The following LINC00632 variants were observed in gnomAD, a reference collection of about 807,000 sequenced individuals.
LINC00632 encodes ALDOA related specific transcript.
At chrX:140,742,498 C>A (rs986506929) in intron 3 of LINC00632, among the ~76,000 whole-genome samples, 1 of 111,260 alleles carries the variant, frequency 9.0e-6, no homozygotes, top group Admixed American at 9.6e-5. Flanking sequence ...GACAGAAACA[C>A]TTTTATTTTT....
At chrX:140,788,391 T>C (rs1193691921) in exon 5 of LINC00632, among the ~76,000 whole-genome samples, 1 of 110,554 alleles carries the variant, frequency 9.0e-6, no homozygotes, top group East Asian at 2.8e-4. Context: ...TGAGACACTG[T>C]GCACAATCTA....
At chrX:140,743,866 AC>A (rs1931281986) in intron 3 of LINC00632, among the ~76,000 whole-genome samples, 1 of 111,508 alleles carries the variant, frequency 9.0e-6, no homozygotes, top group Non-Finnish European at 1.9e-5. Flanking sequence ...AGGTGTTGCT[AC>A]TGACTGTGTA....
At chrX:140,736,570 G>A (rs1467462496) in intron 3 of LINC00632, among the ~76,000 whole-genome samples, 1 of 106,207 alleles carries the variant, frequency 9.4e-6, no homozygotes, top group Non-Finnish European at 1.9e-5. Flanking sequence ...CCGAGTAGCT[G>A]GGATTACAGG....
At chrX:140,790,176 T>C (rs890200687) in exon 5 of LINC00632, among the ~76,000 whole-genome samples, 1 of 111,442 alleles carries the variant, frequency 9.0e-6, no homozygotes, top group African/African-American at 3.3e-5. Flanking sequence ...CCAGTGTGCC[T>C]GGTTCTTCCA....
intron 2 of LINC00632, among the ~76,000 whole-genome samples, chrX:140,723,295 CACACACATTCCATACACACAG>C (rs1419880864): frequency 0.048 from 4,399 of 90,840 alleles, 164 homozygotes; most frequent in African/African-American, 0.1. Context: ...TACACGTGCA[CACACACATTCCATACACACAG>C]ACACACATTC....
intron 2 of LINC00632, chrX:140,711,743 T>C (rs1173908286): frequency 1.4e-4 from 23 of 167,460 alleles, no homozygotes; most frequent in Non-Finnish European, 1.3e-5. Context: ...TTTCCAGCCA[T>C]TGTTTTCCTA....
chrX:140,711,608 T>G (rs1310467739), intron 1 of LINC00632: 1 of 316,736 alleles, frequency 3.2e-6, no homozygotes, highest in Non-Finnish European at 6.2e-6. Context: ...CTTTTCTGGT[T>G]TTTTCTCCCT....
chrX:140,777,256 A>G (rs974561630), exon 5 of LINC00632, among the ~76,000 whole-genome samples: 1 of 112,111 alleles, frequency 8.9e-6, no homozygotes, highest in Non-Finnish European at 1.9e-5. Flanking sequence ...ATGTATACCT[A>G]TGTAACAAAC....
chrX:140,786,419 A>T (rs1033130299), exon 5 of LINC00632, among the ~76,000 whole-genome samples: 1 of 111,569 alleles, frequency 9.0e-6, no homozygotes, highest in African/African-American at 3.3e-5. Flanking sequence ...ATTCCTAAAG[A>T]AGTAATATTT....
In LINC00632 at chrX:140,762,242, A is replaced by AGAGAGAGAGAAAGAGAGAGAGAGC. The variant is rs1286418753; in HGVS notation, n.192-9835_192-9834insAGAGAGAGAAAGAGAGAGAGAGCG. On this transcript the variant is annotated intron_variant and non_coding_transcript_variant, in intron 3 of 4. Coordinates refer to ENST00000648200, the Ensembl canonical transcript of LINC00632. ...GAGAGAGAGAGAGAGAGAGAGAGAG[A>AGAGAGAGAGAAAGAGAGAGAGAGC]GCACTCTTATCTTTCCCCACTAGAT... Among the ~76,000 whole-genome samples, 29 of 99,821 alleles carry AGAGAGAGAGAAAGAGAGAGAGAGC rather than the reference A, an allele frequency of 2.9e-4. 1 individual carries two copies. Among genetic ancestry groups the AGAGAGAGAGAAAGAGAGAGAGAGC allele is most frequent in the African/African-American group, 1.1e-3 (29 of 26,552 alleles). The allele number at this position is 99,821 out of a possible 115,157, so 86.7% of individuals were successfully genotyped here. A position where few individuals can be genotyped will look rare whatever the true frequency, so the allele number is the denominator to read the frequency against.
chrX:140,778,618 GA>G (rs57214136), exon 5 of LINC00632, among the ~76,000 whole-genome samples: 2,867 of 40,254 alleles, frequency 0.071, 54 homozygotes, highest in African/African-American at 0.12. Flanking sequence ...AACAAACAAA[GA>G]AAAAAAAAAA....
intron 3 of LINC00632, among the ~76,000 whole-genome samples, chrX:140,748,509 T>G (rs1931361722): frequency 9.0e-6 from 1 of 111,331 alleles, no homozygotes; most frequent in South Asian, 3.7e-4. Flanking sequence ...GTCAGCTCTC[T>G]GACATAATTG....
At chrX:140,758,779 A>T (rs1289839071) in intron 3 of LINC00632, among the ~76,000 whole-genome samples, 2 of 111,188 alleles carry the variant, frequency 1.8e-5, no homozygotes, top group Admixed American at 9.6e-5. Context: ...GGCAAAGAAC[A>T]ATGAATTACC....
At chrX:140,733,390 TAAAAA>T (rs769252052) in intron 2 of LINC00632, among the ~76,000 whole-genome samples, 3 of 106,512 alleles carry the variant, frequency 2.8e-5, no homozygotes, top group Non-Finnish European at 5.9e-5. Flanking sequence ...CTATTGAAGT[TAAAAA>T]AAAAAACCTG....
intron 3 of LINC00632, among the ~76,000 whole-genome samples, chrX:140,742,928 A>AG (rs1931259632): frequency 9.3e-6 from 1 of 107,471 alleles, no homozygotes; most frequent in Admixed American, 1.0e-4. Flanking sequence ...GGAAAGGGAA[A>AG]AGAAAAGAAA....
intron 3 of LINC00632, among the ~76,000 whole-genome samples, chrX:140,755,628 A>C (rs1289771810): frequency 8.9e-6 from 1 of 112,420 alleles, no homozygotes; most frequent in African/African-American, 3.2e-5. Flanking sequence ...ATGAATATTA[A>C]TCTTGTGAAA....
chrX:140,786,190 A>C (rs1351307487), exon 5 of LINC00632, among the ~76,000 whole-genome samples: 1 of 112,594 alleles, frequency 8.9e-6, no homozygotes, highest in African/African-American at 3.2e-5. Flanking sequence ...CAATTAAAAT[A>C]GAAATACCTT....
At chrX:140,772,495 G>A (rs1156479789) in exon 4 of LINC00632, 1 of 290,367 alleles carries the variant, frequency 3.4e-6, no homozygotes, top group Non-Finnish European at 6.0e-6. Context: ...TGGCATGCAA[G>A]CAAAAGAACA....
Position 140,724,929 on chromosome X carries a change from C to T in LINC00632, n.105-8949C>T, listed in dbSNP as rs1235857374. 2.3e-3 allele frequency among the ~76,000 whole-genome samples: 3 copies of T among 1,293 alleles called. 1 individual carries two copies. The highest frequency in any genetic ancestry group is 1 in the Middle Eastern group (2 of 2). The allele number at this position is 1,293 out of a possible 115,157, so 1.1% of individuals were successfully genotyped here. A position where few individuals can be genotyped will look rare whatever the true frequency, so the allele number is the denominator to read the frequency against. ...ACATTCCATATACACATACACATTC[C>T]GTATACACACACAGACTCATTCCAT... On this transcript the variant is annotated intron_variant and non_coding_transcript_variant, in intron 2 of 4. Transcript: ENST00000648200.
Sources: allele counts gnomAD v4.1 joint callset (sites outside exome capture counted in the v4.1 genomes callset), GRCh38; gene constraint gnomAD v4.1.1; transcripts MANE v1.5; gene names NCBI Gene and HGNC (gene_info 2026-07-23, HGNC 2026-07-21).